The following RIMS2 variants were observed in gnomAD, a reference collection of about 807,000 sequenced individuals.
The protein encoded by RIMS2 is regulating synaptic membrane exocytosis 2.
In RIMS2, 59 loss-of-function variants were observed where a neutral mutation model predicts 174.4. That is an observed-to-expected ratio of 0.34 (90% CI 0.27 to 0.42). The LOEUF (loss-of-function observed/expected upper bound fraction) is 0.42. Ranked by LOEUF, RIMS2 falls within the 10% of genes least tolerant of loss-of-function variation. RIMS2 has a pLI of 1.00. For missense variants in RIMS2, 1,620 were observed against 1,666.3 expected (o/e 0.97, Z 0.48); for synonymous variants, 606 against 572.5 (o/e 1.06, Z -0.84).
At chr8:103,686,635 A>G (rs1212295286) in intron 1 of RIMS2, among the ~76,000 whole-genome samples, 2 of 152,172 alleles carry the variant, frequency 1.3e-5, no homozygotes, top group African/African-American at 4.8e-5. Context: ...TAAGATAAAC[A>G]TCACCTATTT....
chr8:103,541,410 GTAA>G (rs1224692324), intron 1 of RIMS2, among the ~76,000 whole-genome samples: 1 of 152,136 alleles, frequency 6.6e-6, no homozygotes, highest in Non-Finnish European at 1.5e-5. Flanking sequence ...TGAAGGAGAG[GTAA>G]ATACTTTCCC....
intron 1 of RIMS2, among the ~76,000 whole-genome samples, chr8:103,624,200 C>A (rs2095717811): frequency 6.6e-6 from 1 of 152,156 alleles, no homozygotes; most frequent in South Asian, 2.1e-4. Context: ...TTGAGATTAG[C>A]ATTTGAAAGG....
At chr8:103,768,990 G>A in intron 3 of RIMS2, 1 of 349,398 alleles carries the variant, frequency 2.9e-6, no homozygotes, top group Non-Finnish European at 5.7e-6. Context: ...TTTCCTGTCT[G>A]CAAGCTTCTA....
intron 19 of RIMS2, among the ~76,000 whole-genome samples, chr8:104,212,593 T>C (rs897834137): frequency 1.3e-5 from 2 of 152,180 alleles, no homozygotes; most frequent in Non-Finnish European, 2.9e-5. Context: ...TGTTTTACTC[T>C]TTCCTGAGTC....
At chr8:104,039,659 G>GA in intron 19 of RIMS2, among the ~76,000 whole-genome samples, 1 of 151,770 alleles carries the variant, frequency 6.6e-6, no homozygotes, top group Non-Finnish European at 1.5e-5. Context: ...TAGTAGTATG[G>GA]AAAATGTGTA....
intron 10 of RIMS2, among the ~76,000 whole-genome samples, chr8:103,924,351 A>T (rs1026668510): frequency 2.6e-5 from 4 of 151,638 alleles, no homozygotes; most frequent in Admixed American, 6.6e-5. Flanking sequence ...TATGAATTTT[A>T]TTCTTATATT....
intron 1 of RIMS2, among the ~76,000 whole-genome samples, chr8:103,519,911 A>G (rs1343248980): frequency 3.3e-5 from 5 of 152,058 alleles, no homozygotes; most frequent in Non-Finnish European, 5.9e-5. Flanking sequence ...AATCTAATCA[A>G]TTAAAATGGC....
chr8:104,007,713 CT>C (rs1350706533), intron 17 of RIMS2, among the ~76,000 whole-genome samples: 2 of 152,064 alleles, frequency 1.3e-5, no homozygotes, highest in African/African-American at 2.4e-5. Context: ...ATTTGTCATG[CT>C]TTTTTTGTGT....
intron 3 of RIMS2, among the ~76,000 whole-genome samples, chr8:103,845,333 T>C (rs2098962052): frequency 1.3e-5 from 2 of 152,110 alleles, no homozygotes; most frequent in Non-Finnish European, 2.9e-5. Context: ...TTATCTATAA[T>C]TCTTTCATTA....
chr8:104,239,719 T>C (rs2441798), intron 19 of RIMS2, among the ~76,000 whole-genome samples: 28,391 of 152,140 alleles, frequency 0.19, 2,908 homozygotes, highest in Non-Finnish European at 0.23. Context: ...CTTACTGTAT[T>C]AGTTTTATAT....
intron 1 of RIMS2, among the ~76,000 whole-genome samples, chr8:103,503,150 C>T (rs1313602062): frequency 6.6e-6 from 1 of 151,814 alleles, no homozygotes; most frequent in Non-Finnish European, 1.5e-5. Flanking sequence ...TATTTGTTTG[C>T]ATTGCTACCT....
chr8:103,562,882 C>T (rs1219596972), intron 1 of RIMS2, among the ~76,000 whole-genome samples: 1 of 152,198 alleles, frequency 6.6e-6, no homozygotes, highest in Non-Finnish European at 1.5e-5. Context: ...CCCGCAGGCT[C>T]AACACCATGT....
intron 2 of RIMS2, among the ~76,000 whole-genome samples, chr8:103,733,489 C>A (rs1013274597): frequency 6.6e-6 from 1 of 152,150 alleles, no homozygotes; most frequent in African/African-American, 2.4e-5. Flanking sequence ...CCAGGACTTA[C>A]CCAGAAATCG....
At chr8:103,988,833 AGT>A (rs2094518757) in intron 16 of RIMS2, among the ~76,000 whole-genome samples, 1 of 152,138 alleles carries the variant, frequency 6.6e-6, no homozygotes, top group Non-Finnish European at 1.5e-5. Context: ...GATGGCGCAA[AGT>A]GTGCAAATTT....
At chr8:104,248,912 T>TCTCTCTCTCTCTCTCTCTCTC (rs1554670069) in intron 21 of RIMS2, 99 bp downstream of exon 27, 2 of 620,004 alleles carry the variant, frequency 3.2e-6, no homozygotes, top group Non-Finnish European at 2.8e-6. Context: ...TCTCTCTCTC[T>TCTCTCTCTCTCTCTCTCTCTC]TTCCCTCTCT....
intron 3 of RIMS2, among the ~76,000 whole-genome samples, chr8:103,791,216 A>G (rs118127508): frequency 0.16 from 23,917 of 152,196 alleles, 1,985 homozygotes; most frequent in Middle Eastern, 0.24. Context: ...GATTAACAGC[A>G]GATCTCTTTG....
chr8:104,125,573 A>G (rs966943521), intron 19 of RIMS2, among the ~76,000 whole-genome samples: 51 of 152,182 alleles, frequency 3.4e-4, no homozygotes, highest in Non-Finnish European at 5.0e-4. Context: ...CTTTAAAAGG[A>G]TGCTGTGGCA....
In RIMS2 at chr8:104,113,832, A is replaced by G. The variant is rs1313422679; in HGVS notation, c.3334+99217A>G. On this transcript the variant is annotated intron_variant, in intron 19 of 23. Transcript: ENST00000504942. ...TCAAATAGAACAGGCTACTCCCCCTATCAAATTTTGCTGAGTGCCACAAGA... is the reference window on the plus strand; with the variant it reads ...TCAAATAGAACAGGCTACTCCCCCTGTCAAATTTTGCTGAGTGCCACAAGA... Among the ~76,000 whole-genome samples the G allele has an allele frequency of 9.2e-5, 14 of 152,018 alleles. No individual in the cohort carries two copies. The East Asian group carries it at 2.3e-3, about 25-fold the overall frequency.
At chr8:103,910,162 T>C (rs771069630) in exon 5 of RIMS2, 4 of 1,612,178 alleles carry the variant, frequency 2.5e-6, no homozygotes, top group South Asian at 2.2e-5. Context: ...GGTTGGATCA[T>C]ACGTCTTGGC....
Sources: allele counts gnomAD v4.1 joint callset (sites outside exome capture counted in the v4.1 genomes callset), GRCh38; gene constraint gnomAD v4.1.1; transcripts MANE v1.5; gene names NCBI Gene and HGNC (gene_info 2026-07-23, HGNC 2026-07-21).